The following CFTR variants were observed in gnomAD, a reference collection of about 807,000 sequenced individuals.
The protein encoded by CFTR is cystic fibrosis transmembrane conductance regulator.
In CFTR, 181 loss-of-function variants were observed where a neutral mutation model predicts 171.6. That is an observed-to-expected ratio of 1.05 (90% confidence interval 0.93 to 1.19). The LOEUF is 1.19. Among genes scored for constraint, CFTR ranks in the 50% most tolerant of loss-of-function variants. The probability of loss-of-function intolerance (pLI) is 0.00; values close to 1 mark genes in which losing one functional copy is unlikely to be tolerated. For missense variants in CFTR, 1,968 were observed against 1,734.7 expected (o/e 1.13, Z -2.39); for synonymous variants, 583 against 608.0 (o/e 0.96, Z 0.60).
At position 117,592,531 on chromosome 7, in the gene CFTR, A is replaced by G; in HGVS notation, c.2364A>G (p.Thr788=). ...NQGQNIHRKT[T]ASTRKVSLAP... ...GTCAGAACATTCACCGAAAGACAAC[A>G]GCATCCACACGAAAAGTGTCACTGG... The change falls in exon 14 of 27, where the codon ACA becomes ACG. Residue 788 remains threonine (T), a synonymous_variant. Transcript: ENST00000003084. 1 of 1,526,494 alleles carries G rather than the reference A, an allele frequency of 6.6e-7. No homozygotes were observed. Among genetic ancestry groups the G allele is most frequent in the African/African-American group, 1.4e-5 (1 of 72,124 alleles). The allele number at this position is 1,526,494 out of a possible 1,614,324, so 94.6% of individuals were successfully genotyped here. A position where few individuals can be genotyped will look rare whatever the true frequency, so the allele number is the denominator to read the frequency against.
intron 13 of CFTR, among the ~76,000 whole-genome samples, 182 bp from the exon 14 acceptor site, chr7:117,591,752 C>T (rs1351634357): frequency 6.6e-6 from 1 of 152,024 alleles, no homozygotes; most frequent in Non-Finnish European, 1.5e-5. Flanking sequence ...TTATTTCATG[C>T]TATCAGAATT....
intron 1 of CFTR, among the ~76,000 whole-genome samples, chr7:117,490,354 C>A (rs963322608): frequency 2.1e-5 from 3 of 146,056 alleles, no homozygotes; most frequent in Non-Finnish European, 3.0e-5. Context: ...CACACACACA[C>A]AATTTATTAT....
intron 11 of CFTR, among the ~76,000 whole-genome samples, chr7:117,587,251 A>G (rs1333017476): frequency 6.6e-6 from 1 of 152,170 alleles, no homozygotes; most frequent in Admixed American, 6.6e-5. Flanking sequence ...CCTTGGACCC[A>G]TGGAAGCCCA....
chr7:117,612,036 T>TAAA lies in CFTR; in HGVS notation c.3367+229_3367+230insAAA, dbSNP rs1473368568. On this transcript the variant is annotated intron_variant, in intron 20 of 26. Transcript: ENST00000003084. Reference sequence around the variant, plus strand: ...ATATATATATATGTATATATATATATATATATATATATATATACATATATA... The same window carrying TAAA: ...ATATATATATATGTATATATATATATAAAATATATATATATATATACATATATA... Among the ~76,000 whole-genome samples, 53 of 78,450 alleles carry TAAA rather than the reference T, an allele frequency of 6.8e-4. 1 individual carries two copies. Among genetic ancestry groups the TAAA allele is most frequent in the Non-Finnish European group, 1.2e-3 (45 of 36,938 alleles). 51.5% of individuals were successfully genotyped at this position (78,450 alleles called of 152,430 possible). A position where few individuals can be genotyped will look rare whatever the true frequency, so the allele number is the denominator to read the frequency against.
At chr7:117,567,753 C>T (rs1791625679) in intron 11 of CFTR, among the ~76,000 whole-genome samples, 1 of 152,030 alleles carries the variant, frequency 6.6e-6, no homozygotes, top group Admixed American at 6.6e-5. Context: ...CTGGGCCAAA[C>T]TCTAGGAACA....
chr7:117,618,038 C>T (rs1408128648), intron 21 of CFTR, among the ~76,000 whole-genome samples: 2 of 152,112 alleles, frequency 1.3e-5, no homozygotes, highest in East Asian at 1.9e-4. Flanking sequence ...ACAAATTATT[C>T]TTCTTGTGAT....
chr7:117,585,768 A>G (rs1032937995), intron 11 of CFTR, among the ~76,000 whole-genome samples: 4 of 152,032 alleles, frequency 2.6e-5, no homozygotes, highest in Non-Finnish European at 4.4e-5. Context: ...CACCCTCCTG[A>G]GTAGCTGGGG....
At chr7:117,544,030 C>T (rs2115888177) in intron 9 of CFTR, among the ~76,000 whole-genome samples, 1 of 152,316 alleles carries the variant, frequency 6.6e-6, no homozygotes, top group South Asian at 2.1e-4. Context: ...TTTAATTCTA[C>T]ATTTACTGCC....
At chr7:117,596,146 G>A (rs549663103) in intron 15 of CFTR, among the ~76,000 whole-genome samples, 1 of 146,964 alleles carries the variant, frequency 6.8e-6, no homozygotes, top group Non-Finnish European at 1.5e-5. Flanking sequence ...GGGAGGTGTG[G>A]AGGGAGAGGC....
Position 117,642,464 on chromosome 7 carries a change from A to T in CFTR, c.3744A>T (p.Ser1248=), listed in dbSNP as rs1318440537. The stretch of plus-strand genomic sequence containing the variant: ...TGGGCCTCTTGGGAAGAACTGGATC[A>T]GGGAAGAGTACTTTGTTATCAGCTT... ...QRVGLLGRTG[S]GKSTLLSAFL... is the part of the protein sequence containing the mutation. The change falls in exon 23 of 27, where the codon TCA becomes TCT. Residue 1248 remains serine, a synonymous_variant. Transcript: ENST00000003084. The T allele has an allele frequency of 6.2e-7, 1 of 1,613,678 alleles. No individual in the cohort carries two copies. The highest frequency in any genetic ancestry group is 2.2e-5 in the East Asian group (1 of 44,838).
chr7:117,481,996 A>C (rs1308141043), intron 1 of CFTR, among the ~76,000 whole-genome samples: 5 of 152,184 alleles, frequency 3.3e-5, no homozygotes, highest in Non-Finnish European at 7.4e-5. Flanking sequence ...AATGAATGTG[A>C]AAAGTTAGCC....
Position 117,642,090 on chromosome 7 carries a change from A to G in CFTR, c.3718-348A>G, listed in dbSNP as rs1215861416. ...AGGTCTCTGCTTCTGGCTTGAGCCT[A>G]TGTTTAGAGATGATGTGCATGAAGA... On this transcript the variant is annotated intron_variant, in intron 22 of 26. Coordinates refer to ENST00000003084, the MANE Select transcript of CFTR (RefSeq NM_000492.4). Among the ~76,000 whole-genome samples, 9 of 152,182 alleles carry G rather than the reference A, an allele frequency of 5.9e-5. No individual in the cohort carries two copies. In the South Asian group the frequency reaches 1.2e-3, roughly 21 times the overall value.
chr7:117,524,634 A>G (rs1035004645), intron 3 of CFTR, among the ~76,000 whole-genome samples: 2 of 152,220 alleles, frequency 1.3e-5, no homozygotes, highest in African/African-American at 4.8e-5. Context: ...ATTTTGAAAA[A>G]AAAATCCTCG....
intron 24 of CFTR, among the ~76,000 whole-genome samples, chr7:117,656,427 C>T (rs2116203633): frequency 6.6e-6 from 1 of 152,222 alleles, no homozygotes; most frequent in South Asian, 2.1e-4. Flanking sequence ...CTAGATGAGG[C>T]ATATGCCATC....
At chr7:117,646,249 T>G (rs1442904454) in intron 23 of CFTR, among the ~76,000 whole-genome samples, 2 of 152,218 alleles carry the variant, frequency 1.3e-5, no homozygotes, top group Non-Finnish European at 2.9e-5. Context: ...TGGTGGTTGT[T>G]ATTATTTTTT....
intron 3 of CFTR, among the ~76,000 whole-genome samples, chr7:117,514,913 T>C (rs1341789730): frequency 6.6e-6 from 1 of 152,254 alleles, no homozygotes; most frequent in Admixed American, 6.5e-5. Flanking sequence ...TGATCAGTGA[T>C]GCTGAGATTT....
intron 15 of CFTR, among the ~76,000 whole-genome samples, chr7:117,602,031 T>G (rs1792234269): frequency 6.6e-6 from 1 of 152,150 alleles, no homozygotes; most frequent in South Asian, 2.1e-4. Context: ...CTTTTTACAC[T>G]GCTGAAACTT....
Position 117,542,004 on chromosome 7 carries a change from T to C in CFTR, c.1117-12T>C, listed in dbSNP as rs1221500200. 2 of 1,358,386 alleles carry C rather than the reference T, an allele frequency of 1.5e-6. No individual in the cohort carries two copies. Among genetic ancestry groups the C allele is most frequent in the East Asian group, 4.6e-5 (2 of 43,588 alleles). 84.1% of individuals were successfully genotyped at this position (1,358,386 alleles called of 1,614,324 possible). On this transcript the variant is annotated splice_polypyrimidine_tract_variant and intron_variant, in intron 8 of 26. Transcript: ENST00000003084. ...GATTCTATAATATGTTTTTGCTCTC[T>C]TTTATAAATAGGATTTCTTACAAAA...
At chr7:117,567,851 A>G (rs543142770) in intron 11 of CFTR, among the ~76,000 whole-genome samples, 2 of 152,318 alleles carry the variant, frequency 1.3e-5, no homozygotes, top group African/African-American at 4.8e-5. Flanking sequence ...GGTAAGTTAG[A>G]TGATATTGGT....
Sources: allele counts gnomAD v4.1 joint callset (sites outside exome capture counted in the v4.1 genomes callset), GRCh38; gene constraint gnomAD v4.1.1; transcripts MANE v1.5; gene names NCBI Gene and HGNC (gene_info 2026-07-23, HGNC 2026-07-21).